GRIP1: variants seen among roughly 807,000 people sequenced by gnomAD.
GRIP1 encodes the protein glutamate receptor interacting protein 1, also known as glutamate receptor-interacting protein 1.
A neutral mutation model predicts 129.9 loss-of-function variants in GRIP1; 45 were observed. The observed-to-expected ratio is 0.35, with a 90% CI of 0.27 to 0.44. The LOEUF is 0.44. Ranked by LOEUF, GRIP1 falls within the 20% of genes least tolerant of loss-of-function variation. The pLI is 1.00. For synonymous variants in GRIP1, 530 were observed against 520.8 expected (o/e 1.02, Z -0.24); for missense variants, 1,196 against 1,396.8 (o/e 0.86, Z 2.29).
chr12:66,450,172 C>T (rs2058740752), intron 11 of GRIP1, among the ~76,000 whole-genome samples: 1 of 151,526 alleles, frequency 6.6e-6, no homozygotes, highest in African/African-American at 2.4e-5. Flanking sequence ...GGCGTGGTGG[C>T]AGGCGCCTGT....
chr12:66,471,383 C>T (rs1437528926), intron 7 of GRIP1, among the ~76,000 whole-genome samples: 1 of 152,080 alleles, frequency 6.6e-6, no homozygotes, highest in Non-Finnish European at 1.5e-5. Flanking sequence ...ACCAGGGTTG[C>T]TGGGGAGGGA....
At position 66,896,899 on chromosome 12, in the gene GRIP1, T is replaced by C. The variant is rs181934187; in HGVS notation, c.58+172151A>G. Among the ~76,000 whole-genome samples, 6 of 152,286 alleles carry C rather than the reference T, an allele frequency of 3.9e-5. 1 individual carries two copies. In the South Asian group the frequency reaches 6.2e-4, roughly 16 times the overall value. On this transcript the variant is annotated intron_variant, in intron 1 of 1. Coordinates refer to the GRIP1 transcript ENST00000643019. ...ATGATAAAGGAACAAATAATTAGAATGTGTCAAGGCATTTTCCAGACACTC... is the reference window on the plus strand; with the variant it reads ...ATGATAAAGGAACAAATAATTAGAACGTGTCAAGGCATTTTCCAGACACTC...
rs1592468666 is a variant in GRIP1, at chr12:66,518,112, C to A, written c.503-136G>T. On this transcript the variant is annotated intron_variant, in intron 5 of 24. Coordinates refer to ENST00000359742, the MANE Select transcript of GRIP1 (RefSeq NM_001366722.1). ...TATGTAAAATTTTCCTTGAGGCATA[C>A]AAAAGCCTTAAAGGTCTTGCTCATT... 18 of 710,418 alleles carry A rather than the reference C, an allele frequency of 2.5e-5. No individual in the cohort carries two copies. In the East Asian group the frequency reaches 4.7e-4, roughly 18 times the overall value. 44.0% of individuals were successfully genotyped at this position (710,418 alleles called of 1,614,324 possible). A position where few individuals can be genotyped will look rare whatever the true frequency, so the allele number is the denominator to read the frequency against.
At chr12:66,865,820 G>A (rs1203319225) in intron 1 of GRIP1, among the ~76,000 whole-genome samples, 1 of 151,946 alleles carries the variant, frequency 6.6e-6, no homozygotes, top group East Asian at 1.9e-4. Context: ...TATATTTTTA[G>A]ATTATCTCTC....
upstream of GRIP1, among the ~76,000 whole-genome samples, chr12:66,805,708 T>C (rs117305909): frequency 5.1e-4 from 77 of 152,254 alleles, no homozygotes; most frequent in Non-Finnish European, 9.3e-4. Flanking sequence ...TATTTTCAGA[T>C]ATAAATTGAT....
chr12:66,446,069 T>C (rs2058616230), intron 11 of GRIP1, among the ~76,000 whole-genome samples: 1 of 151,968 alleles, frequency 6.6e-6, no homozygotes, highest in Non-Finnish European at 1.5e-5. Flanking sequence ...ATGATGACAT[T>C]GTTTAAACTC....
rs185228023 is a variant in GRIP1, at chr12:66,881,568, T to C, written c.58+187482A>G. Among the ~76,000 whole-genome samples, 78 of 152,266 alleles carry C rather than the reference T, an allele frequency of 5.1e-4. 1 individual carries two copies. Among genetic ancestry groups the C allele is most frequent in the African/African-American group, 1.7e-3 (69 of 41,558 alleles). ...CCAGCTTCATCCATCACATGCACCATTGAGCTTTACAGCCTTTGAAGGTCT... is the reference window on the plus strand; with the variant it reads ...CCAGCTTCATCCATCACATGCACCACTGAGCTTTACAGCCTTTGAAGGTCT... On this transcript the variant is annotated intron_variant, in intron 1 of 1. Coordinates refer to the GRIP1 transcript ENST00000643019.
At chr12:66,695,114 C>T (rs548340117) in intron 1 of GRIP1, among the ~76,000 whole-genome samples, 6 of 152,172 alleles carry the variant, frequency 3.9e-5, no homozygotes, top group Admixed American at 6.5e-5. Flanking sequence ...CAGTGCAGTA[C>T]GATGTGTTAG....
chr12:66,526,006 A>C (rs1301867634), intron 5 of GRIP1, among the ~76,000 whole-genome samples: 2 of 152,190 alleles, frequency 1.3e-5, no homozygotes, highest in African/African-American at 2.4e-5. Context: ...GGAGAACTAC[A>C]AACCACTGCT....
At chr12:66,675,189 CAG>C (rs1252898966) in intron 1 of GRIP1, among the ~76,000 whole-genome samples, 1 of 152,088 alleles carries the variant, frequency 6.6e-6, no homozygotes, top group Non-Finnish European at 1.5e-5. Context: ...AGAGAAAAGA[CAG>C]AGAGAGAGGG....
chr12:66,362,432 C>T lies in GRIP1; in HGVS notation c.3013-8869G>A, dbSNP rs547380015. ...CCTCCCAAAATGCTGGGATTACAGG[C>T]GCAAGTCACCGCGCCCAGCCTTCAA... On this transcript the variant is annotated intron_variant, in intron 23 of 24. Coordinates refer to ENST00000359742, the MANE Select transcript of GRIP1 (RefSeq NM_001366722.1). Among the ~76,000 whole-genome samples, 28 of 151,290 alleles carry T rather than the reference C, an allele frequency of 1.9e-4. 1 individual carries two copies. The highest frequency in any genetic ancestry group is 4.9e-4 in the African/African-American group (20 of 40,670).
At chr12:66,767,433 A>G (rs1257668102) in intron 1 of GRIP1, among the ~76,000 whole-genome samples, 1 of 152,174 alleles carries the variant, frequency 6.6e-6, no homozygotes, top group Admixed American at 6.5e-5. Flanking sequence ...TGAGATGTTT[A>G]AAGAGTTATT....
At chr12:66,528,911 T>C (rs1051038482) in intron 5 of GRIP1, among the ~76,000 whole-genome samples, 8 of 152,104 alleles carry the variant, frequency 5.3e-5, no homozygotes, top group African/African-American at 1.7e-4. Flanking sequence ...AGGACTAATA[T>C]CCAGAATCTG....
At chr12:66,606,093 G>A (rs1444787181) in intron 1 of GRIP1, among the ~76,000 whole-genome samples, 1 of 152,068 alleles carries the variant, frequency 6.6e-6, no homozygotes, top group African/African-American at 2.4e-5. Flanking sequence ...AGTGTGTAAC[G>A]GCCTTAGAAA....
chr12:66,494,865 A>G (rs1387848886), intron 7 of GRIP1, among the ~76,000 whole-genome samples: 1 of 152,210 alleles, frequency 6.6e-6, no homozygotes, highest in Admixed American at 6.5e-5. Flanking sequence ...AGGGTGACAG[A>G]GCAGGAAGGA....
chr12:66,770,701 G>C (rs2037790278), intron 1 of GRIP1, among the ~76,000 whole-genome samples: 1 of 152,114 alleles, frequency 6.6e-6, no homozygotes, highest in African/African-American at 2.4e-5. Flanking sequence ...CTCTGTCATA[G>C]AGATTTTCTC....
At chr12:67,059,246 G>A (rs946415545) in intron 1 of GRIP1, among the ~76,000 whole-genome samples, 8 of 152,210 alleles carry the variant, frequency 5.3e-5, no homozygotes, top group South Asian at 2.1e-4. Flanking sequence ...GATAGGACAA[G>A]TACCTAGAAA....
At chr12:66,936,903 G>T (rs543546533) in intron 1 of GRIP1, among the ~76,000 whole-genome samples, 1 of 152,182 alleles carries the variant, frequency 6.6e-6, no homozygotes, top group South Asian at 2.1e-4. Context: ...AGAGCTTGAC[G>T]TTGGGAAAGC....
Position 66,392,818 on chromosome 12 carries a change from T to C in GRIP1, c.2130-2A>G. The C allele has an allele frequency of 6.2e-7, 1 of 1,613,716 alleles. No individual in the cohort carries two copies. Among genetic ancestry groups the C allele is most frequent in the Non-Finnish European group, 8.5e-7 (1 of 1,179,624 alleles). On this transcript the variant is annotated splice_acceptor_variant, in intron 17 of 24. Transcript: ENST00000359742. LOFTEE classifies it high-confidence loss of function. The stretch of plus-strand genomic sequence containing the variant: ...TCTCCTATGTGGATTGCGCCAGTTC[T>C]GAAAAGCCAAATAGTAATAGGAGAG...
Sources: gnomAD v4.1 joint callset for allele counts (sites outside exome capture counted in the v4.1 genomes callset) on GRCh38, gnomAD v4.1.1 for gene constraint, MANE v1.5 for transcripts, NCBI Gene and HGNC (gene_info 2026-07-23, HGNC 2026-07-21) for gene names.